The following NELL1 variants were observed in gnomAD, a reference collection of about 807,000 sequenced individuals.
The protein encoded by NELL1 is neural EGFL like 1.
A neutral mutation model predicts 107.4 loss-of-function variants in NELL1; 76 were observed. That is an observed-to-expected ratio of 0.71 (90% CI 0.59 to 0.86). The LOEUF (loss-of-function observed/expected upper bound fraction) is 0.86. NELL1 is among the 40% of genes least tolerant of loss of function. The probability of loss-of-function intolerance (pLI) is 0.00; values close to 1 mark genes in which losing one functional copy is unlikely to be tolerated. For synonymous variants in NELL1, 353 were observed against 341.2 expected (o/e 1.03, Z -0.38); for missense variants, 1,024 against 1,005.5 (o/e 1.02, Z -0.25).
chr11:21,033,867 G>C (rs1294650465), intron 12 of NELL1, among the ~76,000 whole-genome samples: 1 of 152,034 alleles, frequency 6.6e-6, no homozygotes, highest in South Asian at 2.1e-4. Flanking sequence ...CCCTGTATAA[G>C]CATTCCTTTT....
intron 12 of NELL1, among the ~76,000 whole-genome samples, chr11:21,040,957 G>A (rs768515382): frequency 6.6e-6 from 1 of 152,136 alleles, no homozygotes; most frequent in Non-Finnish European, 1.5e-5. Flanking sequence ...TGCTTTAAAA[G>A]CAATGTCACC....
At chr11:21,241,805 C>T (rs1858367276) in intron 14 of NELL1, among the ~76,000 whole-genome samples, 1 of 151,530 alleles carries the variant, frequency 6.6e-6, no homozygotes, top group Non-Finnish European at 1.5e-5. Flanking sequence ...TTGCTTTCTG[C>T]AATAAAGTTA....
intron 2 of NELL1, among the ~76,000 whole-genome samples, chr11:20,706,409 A>G (rs562430572): frequency 3.2e-4 from 48 of 152,042 alleles, no homozygotes; most frequent in Middle Eastern, 3.4e-3. Context: ...TCAGCAAACT[A>G]TCACAAGGAC....
intron 15 of NELL1, among the ~76,000 whole-genome samples, chr11:21,439,270 A>G (rs188643412): frequency 3.3e-4 from 51 of 152,320 alleles, no homozygotes; most frequent in African/African-American, 1.2e-3. Context: ...TCAGTTATAC[A>G]GATAGAATCC....
At chr11:21,162,971 T>C (rs1856405240) in intron 13 of NELL1, among the ~76,000 whole-genome samples, 1 of 152,202 alleles carries the variant, frequency 6.6e-6, no homozygotes, top group Non-Finnish European at 1.5e-5. Flanking sequence ...GAAAGTATAA[T>C]AATAAAAATT....
intron 11 of NELL1, among the ~76,000 whole-genome samples, chr11:20,958,566 TA>T (rs1468884257): frequency 6.6e-6 from 1 of 152,198 alleles, no homozygotes; most frequent in Non-Finnish European, 1.5e-5. Context: ...ATGACATTTT[TA>T]AAATGTTGAG....
At chr11:21,210,448 T>A (rs575804177) in intron 13 of NELL1, among the ~76,000 whole-genome samples, 1 of 152,314 alleles carries the variant, frequency 6.6e-6, no homozygotes, top group Non-Finnish European at 1.5e-5. Flanking sequence ...GGTATCTCAT[T>A]GTGGCTTTGC....
At chr11:20,937,242 A>T (rs1029005497) in intron 9 of NELL1, among the ~76,000 whole-genome samples, 3 of 152,150 alleles carry the variant, frequency 2.0e-5, no homozygotes, top group Admixed American at 2.0e-4. Context: ...TTCCAAAGGC[A>T]TTCTCTCTAG....
intron 4 of NELL1, among the ~76,000 whole-genome samples, chr11:20,878,546 C>T (rs1261536636): frequency 6.6e-6 from 1 of 151,974 alleles, no homozygotes; most frequent in South Asian, 2.1e-4. Flanking sequence ...TTATCTTGTT[C>T]TTTCTTTGGT....
intron 12 of NELL1, among the ~76,000 whole-genome samples, chr11:21,076,573 C>A (rs548908026): frequency 6.4e-4 from 97 of 152,282 alleles, no homozygotes; most frequent in Non-Finnish European, 1.2e-3. Flanking sequence ...CTCTAGCCAG[C>A]GGAGCTGTAT....
Position 21,555,909 on chromosome 11 carries a change from G to A in NELL1, c.1787-4280G>A, listed in dbSNP as rs558000588. On this transcript the variant is annotated intron_variant, in intron 16 of 19. Coordinates refer to ENST00000357134, the MANE Select transcript of NELL1 (RefSeq NM_006157.5). Reference sequence around the variant, plus strand: ...GCTAAAGGGAACACAATATCCAAGTGTGGTATGGCCAGCACATGATAGAGC... The same window carrying A: ...GCTAAAGGGAACACAATATCCAAGTATGGTATGGCCAGCACATGATAGAGC... Among the ~76,000 whole-genome samples the A allele has an allele frequency of 1.2e-4, 19 of 152,032 alleles. No individual in the cohort carries two copies. In the East Asian group the frequency reaches 3.1e-3, roughly 25 times the overall value.
intron 14 of NELL1, among the ~76,000 whole-genome samples, chr11:21,336,183 C>A (rs1253197156): frequency 2.0e-5 from 3 of 151,860 alleles, no homozygotes; most frequent in African/African-American, 7.3e-5. Flanking sequence ...TAAACTAGAA[C>A]CTTTTTATGT....
intron 2 of NELL1, among the ~76,000 whole-genome samples, chr11:20,714,995 G>A (rs1450025579): frequency 2.0e-5 from 3 of 152,122 alleles, no homozygotes; most frequent in Admixed American, 1.3e-4. Flanking sequence ...TGTAATCCCA[G>A]TACTTCGGGA....
chr11:21,013,199 T>A (rs142555212), intron 12 of NELL1, among the ~76,000 whole-genome samples: 105 of 152,288 alleles, frequency 6.9e-4, no homozygotes, highest in Non-Finnish European at 1.0e-3. Flanking sequence ...ATTTTATCAC[T>A]GTTCTAATTT....
At chr11:20,810,391 T>C (rs1590316003) in intron 3 of NELL1, among the ~76,000 whole-genome samples, 1 of 152,268 alleles carries the variant, frequency 6.6e-6, no homozygotes, top group Non-Finnish European at 1.5e-5. Context: ...TCTCCCCAAG[T>C]CCGCAAAGTC....
At chr11:21,103,571 G>A (rs1045838606) in intron 12 of NELL1, among the ~76,000 whole-genome samples, 28 of 152,072 alleles carry the variant, frequency 1.8e-4, no homozygotes, top group African/African-American at 6.5e-4. Flanking sequence ...AACTATGCTT[G>A]GCATAAAGTG....
chr11:21,541,911 G>A (rs756188419), intron 16 of NELL1, among the ~76,000 whole-genome samples: 5 of 152,044 alleles, frequency 3.3e-5, no homozygotes, highest in African/African-American at 7.2e-5. Flanking sequence ...ACTAATAAGA[G>A]ATAACATTTA....
intron 13 of NELL1, among the ~76,000 whole-genome samples, chr11:21,179,184 T>C (rs148459489): frequency 9.9e-5 from 15 of 151,918 alleles, no homozygotes; most frequent in African/African-American, 3.4e-4. Context: ...CATGGAAAAG[T>C]TGGGCTGGAG....
intron 14 of NELL1, among the ~76,000 whole-genome samples, chr11:21,326,819 C>T (rs1384007116): frequency 4.0e-5 from 6 of 151,554 alleles, no homozygotes; most frequent in Non-Finnish European, 5.9e-5. Flanking sequence ...AAAAAAAATG[C>T]AGACTGAATA....
Sources: allele counts gnomAD v4.1 joint callset (sites outside exome capture counted in the v4.1 genomes callset), GRCh38; gene constraint gnomAD v4.1.1; transcripts MANE v1.5; gene names NCBI Gene and HGNC (gene_info 2026-07-23, HGNC 2026-07-21).